The following ABI3BP variants were observed in gnomAD, a reference collection of about 807,000 sequenced individuals.
The protein encoded by ABI3BP is ABI family member 3 binding protein.
A neutral mutation model predicts 268.6 loss-of-function variants in ABI3BP; 216 were observed. The observed-to-expected ratio is 0.80, with a 90% CI of 0.72 to 0.90. The LOEUF is 0.90. ABI3BP is among the 40% of genes least tolerant of loss of function. ABI3BP has a pLI of 0.00. For synonymous variants in ABI3BP, 730 were observed against 730.0 expected, an observed-to-expected ratio of 1.00 and a Z score of 0.00; for missense variants, 2,090 against 2,182.4, an observed-to-expected ratio of 0.96 and a Z score of 0.84.
intron 63 of ABI3BP, among the ~76,000 whole-genome samples, chr3:100,762,552 A>G (rs1359798418): frequency 1.3e-5 from 2 of 152,170 alleles, no homozygotes; most frequent in African/African-American, 4.8e-5. Flanking sequence ...ATGATCTCCA[A>G]TTATTTAACA....
chr3:100,885,903 A>G (rs563414649), intron 5 of ABI3BP, among the ~76,000 whole-genome samples: 367 of 152,140 alleles, frequency 2.4e-3, no homozygotes, highest in African/African-American at 8.5e-3. Context: ...CTGTAATACA[A>G]TAGACAACGA....
At chr3:100,850,526 A>AT in intron 16 of ABI3BP, 134 bp downstream of exon 16, 1 of 666,022 alleles carries the variant, frequency 1.5e-6, no homozygotes, top group Non-Finnish European at 2.6e-6. Flanking sequence ...AAATATATAG[A>AT]TGTATATATT....
chr3:100,935,152 G>T (rs1584031510), intron 1 of ABI3BP, among the ~76,000 whole-genome samples: 1 of 152,210 alleles, frequency 6.6e-6, no homozygotes, highest in Non-Finnish European at 1.5e-5. Context: ...GTTAATTTTT[G>T]TATAAGGTGT....
chr3:100,876,524 T>C lies in ABI3BP; in HGVS notation c.733A>G (p.Ile245Val), dbSNP rs1312748658. The part of the protein sequence containing the change: ...YVPRKLIPIT[I>V]IKQVIQNVTH... Reference sequence around the variant, plus strand: ...GCAGACAAATTACCTTGCTTGATGATTGTTATTGGGATTAGTTTCCTTGGG... The same window carrying C: ...GCAGACAAATTACCTTGCTTGATGACTGTTATTGGGATTAGTTTCCTTGGG... The change falls in exon 7 of 68, where the codon ATC becomes GTC. Residue 245 changes from isoleucine (I) to valine (V), a missense_variant. Coordinates refer to ENST00000471714, the MANE Select transcript of ABI3BP (RefSeq NM_001375547.2). The C allele has an allele frequency of 1.2e-6, 2 of 1,613,128 alleles. No individual in the cohort carries two copies. Among genetic ancestry groups the C allele is most frequent in the Non-Finnish European group, 1.7e-6 (2 of 1,179,442 alleles).
rs746931861 is a variant in ABI3BP at position 100,839,587 on chromosome 3, G to A, written c.1927C>T (p.Pro643Ser). The stretch of plus-strand genomic sequence containing the variant: ...GAATTACCAGTTGTGGGCACCAAGG[G>A]CTCCGGTTGTATCGTGGCAGGTTCC... ...ALEPATIQPE[P>S]LVPTTASKPS... Residue 643 changes from proline (P) to serine (S), a missense_variant, in exon 24 of 68, where the codon CCC (proline) becomes TCC (serine). Coordinates refer to ENST00000471714, the MANE Select transcript of ABI3BP (RefSeq NM_001375547.2). The A allele has an allele frequency of 5.2e-6, 8 of 1,535,722 alleles. No homozygotes were observed. In the South Asian group the frequency reaches 9.5e-5, roughly 18 times the overall value.
At chr3:100,781,040 A>T (rs1037451255) in intron 57 of ABI3BP, among the ~76,000 whole-genome samples, 2 of 152,230 alleles carry the variant, frequency 1.3e-5, no homozygotes, top group African/African-American at 4.8e-5. Flanking sequence ...AACAATAAAA[A>T]TCACTTCAGA....
chr3:100,784,359 TC>T (rs1026568520), intron 57 of ABI3BP, among the ~76,000 whole-genome samples: 3 of 152,068 alleles, frequency 2.0e-5, no homozygotes, highest in African/African-American at 7.2e-5. Context: ...ATGGCCATTA[TC>T]AAAAGTCAAA....
At chr3:100,866,638 A>C (rs1179604107) in intron 10 of ABI3BP, among the ~76,000 whole-genome samples, 1 of 152,200 alleles carries the variant, frequency 6.6e-6, no homozygotes, top group Non-Finnish European at 1.5e-5. Context: ...TGTTGAACTA[A>C]TAATTTTCAT....
chr3:100,815,860 C>T lies in ABI3BP; in HGVS notation c.3289+52G>A, dbSNP rs138149117. 10 of 1,366,040 alleles carry T rather than the reference C, an allele frequency of 7.3e-6. No homozygotes were observed. The Admixed American group carries it at 1.2e-4, about 16-fold the overall frequency. The allele number at this position is 1,366,040 out of a possible 1,614,324, so 84.6% of individuals were successfully genotyped here. On this transcript the variant is annotated intron_variant, in intron 44 of 67. Transcript: ENST00000471714. ...CTCTGGTCATGACAGTGCTCAAGTG[C>T]GTTTTTAAATGGCAATAAAAAGCAT...
intron 57 of ABI3BP, among the ~76,000 whole-genome samples, chr3:100,781,485 C>T (rs2096861554): frequency 6.6e-6 from 1 of 152,130 alleles, no homozygotes; most frequent in South Asian, 2.1e-4. Flanking sequence ...TGACTAATCT[C>T]ATAGGCAGGC....
chr3:100,850,835 T>C, intron 15 of ABI3BP, 101 bp from the exon 16 acceptor site: 1 of 864,340 alleles, frequency 1.2e-6, no homozygotes. Flanking sequence ...AGGAAAAATA[T>C]CAAGAATACT....
chr3:100,936,771 G>A (rs1267590139), intron 1 of ABI3BP, among the ~76,000 whole-genome samples: 3 of 152,126 alleles, frequency 2.0e-5, no homozygotes, highest in African/African-American at 4.8e-5. Context: ...GCATAGAGGT[G>A]TTTATAGTAT....
intron 1 of ABI3BP, among the ~76,000 whole-genome samples, chr3:100,949,778 T>C (rs2074136441): frequency 1.3e-5 from 2 of 152,210 alleles, no homozygotes; most frequent in Non-Finnish European, 2.9e-5. Flanking sequence ...TTGAGATTCC[T>C]CATCTGATCC....
At chr3:100,918,060 C>T (rs2059178386) in intron 2 of ABI3BP, among the ~76,000 whole-genome samples, 2 of 152,030 alleles carry the variant, frequency 1.3e-5, no homozygotes, top group African/African-American at 4.8e-5. Context: ...TCAAATGATT[C>T]TGGGATTCCT....
chr3:100,921,657 A>C (rs1350075157), intron 2 of ABI3BP, among the ~76,000 whole-genome samples: 1 of 152,208 alleles, frequency 6.6e-6, no homozygotes, highest in East Asian at 1.9e-4. Flanking sequence ...CCCCTCTAGT[A>C]CAATCTTAAA....
At chr3:100,981,799 G>C (rs1358580140) in intron 1 of ABI3BP, among the ~76,000 whole-genome samples, 1 of 152,068 alleles carries the variant, frequency 6.6e-6, no homozygotes, top group Admixed American at 6.5e-5. Context: ...GTTTCACTGT[G>C]TGGATGCCAC....
intron 43 of ABI3BP, chr3:100,816,218 G>A: frequency 2.1e-6 from 1 of 485,520 alleles, no homozygotes. Context: ...GTTTTCCTAG[G>A]TATTTGGTTT....
At chr3:100,987,360 C>T (rs1321016228) in intron 1 of ABI3BP, among the ~76,000 whole-genome samples, 2 of 152,190 alleles carry the variant, frequency 1.3e-5, no homozygotes, top group Admixed American at 6.5e-5. Flanking sequence ...TTCAGGTGTT[C>T]CCCTGTGTCC....
At chr3:100,769,100 G>A (rs1464898585) in intron 62 of ABI3BP, among the ~76,000 whole-genome samples, 1 of 152,196 alleles carries the variant, frequency 6.6e-6, no homozygotes, top group African/African-American at 2.4e-5. Context: ...TGAGCTGCTG[G>A]TTTGTAAACA....
Sources: allele counts gnomAD v4.1 joint callset (sites outside exome capture counted in the v4.1 genomes callset), GRCh38; gene constraint gnomAD v4.1.1; transcripts MANE v1.5; gene names NCBI Gene and HGNC (gene_info 2026-07-23, HGNC 2026-07-21).